MACROD2: variants seen among roughly 807,000 people sequenced by gnomAD.
MACROD2 encodes the protein ADP-ribose glycohydrolase MACROD2.
Under a neutral mutation model 70.4 loss-of-function variants are expected in MACROD2, and 36 were observed. That is an observed-to-expected ratio of 0.51 (90% CI 0.39 to 0.68). MACROD2 has a LOEUF of 0.68. Ranked by LOEUF, MACROD2 falls within the 30% of genes least tolerant of loss-of-function variation. The pLI is 0.00. For missense variants in MACROD2, 496 were observed against 538.4 expected, an observed-to-expected ratio of 0.92 and a Z score of 0.78; for synonymous variants, 172 against 178.8, an observed-to-expected ratio of 0.96 and a Z score of 0.30.
chr20:14,817,514 C>T (rs755184919), intron 5 of MACROD2, among the ~76,000 whole-genome samples: 5 of 152,122 alleles, frequency 3.3e-5, no homozygotes, highest in Non-Finnish European at 5.9e-5. Flanking sequence ...TATATTTTGC[C>T]TTCCAGGCAG....
chr20:14,081,582 G>C (rs1038571624), intron 2 of MACROD2, among the ~76,000 whole-genome samples: 1 of 152,100 alleles, frequency 6.6e-6, no homozygotes, highest in African/African-American at 2.4e-5. Context: ...CGATATACTT[G>C]GCAACTTTTT....
chr20:15,016,993 C>T (rs2075126746), intron 5 of MACROD2, among the ~76,000 whole-genome samples: 1 of 151,964 alleles, frequency 6.6e-6, no homozygotes, highest in Non-Finnish European at 1.5e-5. Context: ...ATCATGCTGC[C>T]CTTGGCCCCT....
At chr20:15,365,175 C>G (rs371343244) in intron 6 of MACROD2, among the ~76,000 whole-genome samples, 1 of 151,330 alleles carries the variant, frequency 6.6e-6, no homozygotes, top group African/African-American at 2.4e-5. Context: ...TGGGGCGGGG[C>G]GGGGGTCAGA....
chr20:15,436,880 C>T (rs1384028126), intron 7 of MACROD2, among the ~76,000 whole-genome samples: 1 of 152,266 alleles, frequency 6.6e-6, no homozygotes, highest in South Asian at 2.1e-4. Flanking sequence ...TGGTGGCACT[C>T]TTTTTCTTTC....
chr20:14,017,821 G>A (rs1275918028), intron 2 of MACROD2, among the ~76,000 whole-genome samples: 4 of 152,100 alleles, frequency 2.6e-5, no homozygotes, highest in Non-Finnish European at 5.9e-5. Context: ...GAATTAGGAA[G>A]TATTCTCTTT....
At chr20:15,402,969 G>C (rs2045950306) in intron 6 of MACROD2, among the ~76,000 whole-genome samples, 3 of 150,560 alleles carry the variant, frequency 2.0e-5, no homozygotes, top group Admixed American at 6.6e-5. Context: ...TTTGTTTTTT[G>C]TTTTTTTTTG....
chr20:15,693,765 A>G (rs566161303), intron 8 of MACROD2, among the ~76,000 whole-genome samples: 23 of 152,268 alleles, frequency 1.5e-4, no homozygotes, highest in African/African-American at 5.1e-4. Context: ...ATTTGGTTAC[A>G]TGAATAACTT....
chr20:14,864,431 ATAC>A (rs2073405828), intron 5 of MACROD2, among the ~76,000 whole-genome samples: 1 of 152,102 alleles, frequency 6.6e-6, no homozygotes. Context: ...AAATTTTTTT[ATAC>A]TGTAAAACTT....
At chr20:14,171,666 G>A (rs753163620) in intron 3 of MACROD2, among the ~76,000 whole-genome samples, 6 of 152,132 alleles carry the variant, frequency 3.9e-5, no homozygotes, top group Non-Finnish European at 5.9e-5. Context: ...TCTTTTTGGA[G>A]TTGATTTCCA....
chr20:14,392,823 C>G (rs925768089), intron 3 of MACROD2, among the ~76,000 whole-genome samples: 1 of 152,108 alleles, frequency 6.6e-6, no homozygotes, highest in African/African-American at 2.4e-5. Context: ...ATGCATGCCT[C>G]TTAAGCTGAC....
chr20:14,961,688 A>G (rs2074584879), intron 5 of MACROD2, among the ~76,000 whole-genome samples: 1 of 152,082 alleles, frequency 6.6e-6, no homozygotes. Flanking sequence ...AAGTGCAAGG[A>G]TTACAGGTGT....
At chr20:14,592,522 C>T (rs1300384783) in intron 4 of MACROD2, among the ~76,000 whole-genome samples, 1 of 152,148 alleles carries the variant, frequency 6.6e-6, no homozygotes, top group Non-Finnish European at 1.5e-5. Flanking sequence ...CTCCTGGGCT[C>T]AAGTGATCCT....
At chr20:14,858,121 G>A (rs932036778) in intron 5 of MACROD2, among the ~76,000 whole-genome samples, 3 of 152,024 alleles carry the variant, frequency 2.0e-5, no homozygotes, top group Non-Finnish European at 4.4e-5. Flanking sequence ...GTGCCTGGCC[G>A]AGGAATGTTT....
At chr20:15,496,006 A>G (rs2047292804) in intron 7 of MACROD2, among the ~76,000 whole-genome samples, 1 of 152,232 alleles carries the variant, frequency 6.6e-6, no homozygotes, top group Admixed American at 6.5e-5. Flanking sequence ...TTCAAAGACC[A>G]GAAAGAAGGC....
At chr20:15,971,421 C>T (rs1270866582) in intron 13 of MACROD2, among the ~76,000 whole-genome samples, 2 of 152,122 alleles carry the variant, frequency 1.3e-5, no homozygotes, top group Non-Finnish European at 2.9e-5. Context: ...AGGGGAGTTT[C>T]CCTGCACACA....
At chr20:15,206,721 G>GTGTTTTTTTTTTTT (rs2076707065) in intron 5 of MACROD2, among the ~76,000 whole-genome samples, 1 of 33,000 alleles carries the variant, frequency 3.0e-5, no homozygotes, top group African/African-American at 1.5e-4. Context: ...TATTATCTAT[G>GTGTTTTTTTTTTTT]TTTTTTTTTT....
intron 5 of MACROD2, among the ~76,000 whole-genome samples, chr20:14,788,009 C>G (rs2123796125): frequency 6.6e-6 from 1 of 152,044 alleles, no homozygotes; most frequent in East Asian, 1.9e-4. Context: ...TAGTCCAGCC[C>G]ATTCTCTGAC....
chr20:14,599,859 C>T (rs565574947), intron 4 of MACROD2, among the ~76,000 whole-genome samples: 1 of 152,174 alleles, frequency 6.6e-6, no homozygotes, highest in African/African-American at 2.4e-5. Flanking sequence ...GGGAGGATTT[C>T]AGGATGAGCT....
chr20:14,437,573 G>A (rs1466428930), intron 3 of MACROD2, among the ~76,000 whole-genome samples: 3 of 152,016 alleles, frequency 2.0e-5, no homozygotes, highest in Non-Finnish European at 4.4e-5. Flanking sequence ...CAGCCTGGGT[G>A]ACAAAAGCAA....
Sources: allele counts gnomAD v4.1 joint callset (sites outside exome capture counted in the v4.1 genomes callset), GRCh38; gene constraint gnomAD v4.1.1; transcripts MANE v1.5; gene names NCBI Gene and HGNC (gene_info 2026-07-23, HGNC 2026-07-21).